BMPR1B: variants seen among roughly 807,000 people sequenced by gnomAD.
BMPR1B encodes the protein bone morphogenetic protein receptor type 1B, also known as bone morphogenetic protein receptor type-1B.
Under a neutral mutation model 59.1 loss-of-function variants are expected in BMPR1B, and 12 were observed. The observed-to-expected ratio is 0.20, with a 90% CI of 0.13 to 0.33. BMPR1B has a LOEUF of 0.33. Ranked by LOEUF, BMPR1B falls within the 10% of genes least tolerant of loss-of-function variation. The pLI is 1.00. For synonymous variants in BMPR1B, 237 were observed against 207.3 expected (o/e 1.14, Z -1.23); for missense variants, 550 against 610.9 (o/e 0.90, Z 1.05).
intron 3 of BMPR1B, among the ~76,000 whole-genome samples, chr4:95,025,325 T>C (rs1033266319): frequency 2.0e-5 from 3 of 152,228 alleles, no homozygotes; most frequent in African/African-American, 7.2e-5. Flanking sequence ...GTCATGTGTG[T>C]TTTCAACTTT....
chr4:94,768,717 T>C (rs1722065104), intron 1 of BMPR1B, among the ~76,000 whole-genome samples: 1 of 152,174 alleles, frequency 6.6e-6, no homozygotes, highest in African/African-American at 2.4e-5. Flanking sequence ...ATAGTCTTAA[T>C]ATATTTTAGT....
intron 2 of BMPR1B, among the ~76,000 whole-genome samples, chr4:94,876,258 A>G (rs1468995673): frequency 6.6e-6 from 1 of 152,220 alleles, no homozygotes; most frequent in Non-Finnish European, 1.5e-5. Flanking sequence ...TCAGGTTAAT[A>G]AAAACTAGAT....
intron 3 of BMPR1B, among the ~76,000 whole-genome samples, chr4:95,071,186 T>C (rs769762665): frequency 7.9e-5 from 12 of 152,196 alleles, no homozygotes; most frequent in Non-Finnish European, 1.5e-4. Context: ...CTGGTGATTT[T>C]ATTACCTTAT....
chr4:94,771,214 A>G (rs933626120), intron 1 of BMPR1B, among the ~76,000 whole-genome samples: 1 of 152,196 alleles, frequency 6.6e-6, no homozygotes, highest in African/African-American at 2.4e-5. Context: ...GTCACATTGA[A>G]GATAGTAGTT....
chr4:94,835,773 T>C (rs972593349), intron 1 of BMPR1B, among the ~76,000 whole-genome samples: 3 of 152,192 alleles, frequency 2.0e-5, no homozygotes, highest in Non-Finnish European at 2.9e-5. Flanking sequence ...TCTTTTATTA[T>C]TATACTTTAA....
At chr4:94,907,200 G>A (rs1189527061) in intron 2 of BMPR1B, among the ~76,000 whole-genome samples, 2 of 152,030 alleles carry the variant, frequency 1.3e-5, no homozygotes, top group African/African-American at 4.8e-5. Flanking sequence ...AAGCTTCTCA[G>A]TGTATTCTGA....
chr4:94,862,405 C>T (rs1726020971), intron 1 of BMPR1B, among the ~76,000 whole-genome samples: 1 of 151,738 alleles, frequency 6.6e-6, no homozygotes, highest in Non-Finnish European at 1.5e-5. Context: ...CCTGCTTCCA[C>T]CTCCCAAAGT....
intron 2 of BMPR1B, among the ~76,000 whole-genome samples, chr4:94,904,882 G>A (rs77372189): frequency 0.018 from 2,710 of 151,990 alleles, 51 homozygotes; most frequent in East Asian, 0.092. Flanking sequence ...AGCATTCTAT[G>A]TGTATACTTT....
At chr4:94,954,404 T>C (rs1730063699) in intron 2 of BMPR1B, among the ~76,000 whole-genome samples, 1 of 152,228 alleles carries the variant, frequency 6.6e-6, no homozygotes. Flanking sequence ...TTGGCTAGAT[T>C]ATTAAACTTT....
intron 3 of BMPR1B, among the ~76,000 whole-genome samples, chr4:95,043,874 C>G (rs1250072815): frequency 2.0e-5 from 3 of 152,090 alleles, no homozygotes; most frequent in African/African-American, 4.8e-5. Context: ...TATTGGAGCT[C>G]TTGCTAGTAA....
rs1268325032 is a variant in BMPR1B at position 95,084,080 on chromosome 4, C to T, written c.-17-20328C>T. On this transcript the variant is annotated intron_variant, in intron 3 of 12. Transcript: ENST00000515059. The stretch of plus-strand genomic sequence containing the variant: ...CTCAGTAAAGTCACTAACGTAAACT[C>T]AAATAATTTTATATGTATGTAATAT... Among the ~76,000 whole-genome samples the T allele has an allele frequency of 2.6e-5, 4 of 151,882 alleles. No homozygotes were observed. The South Asian group carries it at 8.3e-4, about 32-fold the overall frequency.
intron 2 of BMPR1B, among the ~76,000 whole-genome samples, chr4:94,972,025 CAAT>C (rs1258087844): frequency 6.6e-6 from 1 of 151,362 alleles, no homozygotes; most frequent in African/African-American, 2.4e-5. Flanking sequence ...TTCTGAGAAT[CAAT>C]AAAGGAAATA....
At chr4:94,866,412 T>C (rs571450744) in intron 1 of BMPR1B, among the ~76,000 whole-genome samples, 1 of 152,224 alleles carries the variant, frequency 6.6e-6, no homozygotes, top group Admixed American at 6.5e-5. Context: ...AGTCATATTA[T>C]CTGTCTTCTC....
rs1481685799 is a variant in BMPR1B at position 95,104,420 on chromosome 4, A to T, written c.-5A>T. The T allele has an allele frequency of 6.2e-7, 1 of 1,613,156 alleles. No individual in the cohort carries two copies. Among genetic ancestry groups the T allele is most frequent in the African/African-American group, 1.3e-5 (1 of 74,994 alleles). On this transcript the variant is annotated 5_prime_UTR_variant, in exon 4 of 13. Transcript: ENST00000515059. ...TTTCTTCTTTCAGCAAACTTCCTTG[A>T]TAACATGCTTTTGCGAAGTGCAGGA...
At chr4:94,974,906 C>T (rs567108558) in intron 2 of BMPR1B, among the ~76,000 whole-genome samples, 32 of 152,138 alleles carry the variant, frequency 2.1e-4, no homozygotes, top group East Asian at 1.5e-3. Flanking sequence ...AGAAATGAAC[C>T]GTAAAGGGTT....
At chr4:94,781,254 AT>A (rs1367373822) in intron 1 of BMPR1B, among the ~76,000 whole-genome samples, 6 of 152,086 alleles carry the variant, frequency 3.9e-5, no homozygotes, top group Admixed American at 3.3e-4. Flanking sequence ...TGATTTGCAA[AT>A]ATTTCCTCTC....
intron 1 of BMPR1B, among the ~76,000 whole-genome samples, chr4:94,776,818 A>G (rs1366167339): frequency 6.6e-6 from 1 of 152,198 alleles, no homozygotes; most frequent in African/African-American, 2.4e-5. Context: ...ATACAGGAAA[A>G]GGCCAGAAAG....
At chr4:95,071,638 GTGTGTGTGTGTGTGTATATA>G (rs1728284316) in intron 3 of BMPR1B, among the ~76,000 whole-genome samples, 1 of 85,914 alleles carries the variant, frequency 1.2e-5, no homozygotes, top group Admixed American at 1.5e-4. Context: ...GTGTTTGTGT[GTGTGTGTGTGTGTGTATATA>G]TATATATATA....
chr4:94,977,747 G>C (rs1202232936), intron 2 of BMPR1B, among the ~76,000 whole-genome samples: 3 of 152,092 alleles, frequency 2.0e-5, no homozygotes. Flanking sequence ...GTCCCAGCTA[G>C]TCAGAAGGCT....
Sources: allele counts gnomAD v4.1 joint callset (sites outside exome capture counted in the v4.1 genomes callset), GRCh38; gene constraint gnomAD v4.1.1; transcripts MANE v1.5; gene names NCBI Gene and HGNC (gene_info 2026-07-23, HGNC 2026-07-21).